The following KHDRBS2 variants were observed in gnomAD, a reference collection of about 807,000 sequenced individuals.
KHDRBS2 encodes KH domain-containing, RNA-binding, signal transduction-associated protein 2.
Under a neutral mutation model 44.3 loss-of-function variants are expected in KHDRBS2, and 26 were observed. The ratio of observed to expected loss-of-function variants is 0.59; its 90% confidence interval spans 0.43 to 0.81. KHDRBS2 has a LOEUF of 0.81. KHDRBS2 is among the 40% of genes least tolerant of loss of function. The pLI is 0.00. For synonymous variants in KHDRBS2, 194 were observed against 151.1 expected, an observed-to-expected ratio of 1.28 and a Z score of -2.08; for missense variants, 476 against 433.1, an observed-to-expected ratio of 1.10 and a Z score of -0.88.
chr6:61,917,528 G>A (rs1409908980), intron 4 of KHDRBS2, among the ~76,000 whole-genome samples: 1 of 151,840 alleles, frequency 6.6e-6, no homozygotes, highest in African/African-American at 2.4e-5. Flanking sequence ...GAAAATTTCA[G>A]GTAATGAAAC....
At chr6:61,966,219 T>C (rs1769908661) in intron 4 of KHDRBS2, among the ~76,000 whole-genome samples, 1 of 152,048 alleles carries the variant, frequency 6.6e-6, no homozygotes, top group Non-Finnish European at 1.5e-5. Flanking sequence ...CATCGTAAGA[T>C]AAAACATTCA....
At chr6:62,022,454 A>G (rs779181022) in intron 3 of KHDRBS2, among the ~76,000 whole-genome samples, 1 of 151,736 alleles carries the variant, frequency 6.6e-6, no homozygotes, top group Non-Finnish European at 1.5e-5. Context: ...TTTCTCAGTA[A>G]CCACAGGTTA....
intron 2 of KHDRBS2, among the ~76,000 whole-genome samples, chr6:62,085,284 G>T (rs1329936071): frequency 1.3e-5 from 2 of 152,074 alleles, no homozygotes; most frequent in South Asian, 2.1e-4. Flanking sequence ...GGAGAATGTG[G>T]ATTGAAAAGA....
the KHDRBS2 span, among the ~76,000 whole-genome samples, chr6:61,612,482 C>T: frequency 0.013 from 1,928 of 152,224 alleles, 36 homozygotes; most frequent in African/African-American, 0.043. Context: ...TCACAGTTTT[C>T]TTAACTTTAA....
intron 2 of KHDRBS2, among the ~76,000 whole-genome samples, chr6:62,130,125 A>C (rs1809946845): frequency 6.6e-6 from 1 of 152,240 alleles, no homozygotes; most frequent in African/African-American, 2.4e-5. Flanking sequence ...CTAATTTATA[A>C]AGAAATAAAA....
chr6:62,111,522 A>T (rs1562889018), intron 2 of KHDRBS2, among the ~76,000 whole-genome samples: 1 of 151,990 alleles, frequency 6.6e-6, no homozygotes, highest in African/African-American at 2.4e-5. Flanking sequence ...CTCATACCCA[A>T]TTTTTCTTTG....
chr6:61,569,795 T>C, the KHDRBS2 span, among the ~76,000 whole-genome samples: 160 of 152,238 alleles, frequency 1.1e-3, no homozygotes, highest in African/African-American at 3.7e-3. Flanking sequence ...CCTGGTAGCC[T>C]GGCTGGGTGG....
At chr6:61,600,718 G>A in the KHDRBS2 span, among the ~76,000 whole-genome samples, 466 of 152,214 alleles carry the variant, frequency 3.1e-3, 3 homozygotes, top group African/African-American at 0.01. Context: ...GAAGAGATCC[G>A]TCTACGACTT....
intron 4 of KHDRBS2, among the ~76,000 whole-genome samples, chr6:61,909,433 C>T (rs544581031): frequency 1.5e-3 from 228 of 152,120 alleles, no homozygotes; most frequent in African/African-American, 5.3e-3. Flanking sequence ...CCAAATAATT[C>T]GCTTTTTTGC....
At chr6:61,588,234 A>T in the KHDRBS2 span, among the ~76,000 whole-genome samples, 1 of 152,190 alleles carries the variant, frequency 6.6e-6, no homozygotes, top group Non-Finnish European at 1.5e-5. Context: ...CTCCATGCAA[A>T]TATGAGTGAT....
At chr6:61,643,140 C>A in the KHDRBS2 span, among the ~76,000 whole-genome samples, 2 of 151,526 alleles carry the variant, frequency 1.3e-5, no homozygotes, top group Non-Finnish European at 1.5e-5. Flanking sequence ...TTTTTATTTC[C>A]CTAGTTATAG....
At chr6:62,165,535 AAAACT>A (rs1370305785) in intron 2 of KHDRBS2, among the ~76,000 whole-genome samples, 16 of 151,962 alleles carry the variant, frequency 1.1e-4, no homozygotes, top group Middle Eastern at 3.4e-3. Flanking sequence ...AATATTTTTA[AAAACT>A]AAATCAATCT....
intron 1 of KHDRBS2, among the ~76,000 whole-genome samples, chr6:62,225,645 C>T (rs1196924612): frequency 6.6e-6 from 1 of 152,126 alleles, no homozygotes. Flanking sequence ...AGGTTTTAAG[C>T]CCTGCATGCA....
chr6:61,649,070 C>G, the KHDRBS2 span, among the ~76,000 whole-genome samples: 1 of 152,144 alleles, frequency 6.6e-6, no homozygotes, highest in South Asian at 2.1e-4. Flanking sequence ...CAGGTTCTCA[C>G]GTGGAGGAAG....
intron 2 of KHDRBS2, among the ~76,000 whole-genome samples, chr6:62,085,530 T>C (rs977936988): frequency 2.0e-5 from 3 of 152,112 alleles, no homozygotes; most frequent in African/African-American, 7.2e-5. Flanking sequence ...GTCTTTAATA[T>C]GCCACAAAAA....
intron 3 of KHDRBS2, among the ~76,000 whole-genome samples, chr6:61,990,478 T>C (rs1333190234): frequency 6.6e-6 from 1 of 152,144 alleles, no homozygotes; most frequent in Non-Finnish European, 1.5e-5. Context: ...GTATATCACA[T>C]TAAAATCTCT....
At chr6:61,609,076 T>A in the KHDRBS2 span, among the ~76,000 whole-genome samples, 1 of 152,156 alleles carries the variant, frequency 6.6e-6, no homozygotes, top group African/African-American at 2.4e-5. Context: ...GTGTTCCTAT[T>A]TCTCCACATC....
rs1375864076 is a variant in KHDRBS2, at chr6:61,738,841, C to T, written c.811-6077G>A. The stretch of plus-strand genomic sequence containing the variant: ...CAATTTTAGGTTGTCAAATCTAATA[C>T]TGGCTCTGCATATGAGCTTAAAATA... On this transcript the variant is annotated intron_variant, in intron 6 of 8. Coordinates refer to ENST00000281156, the MANE Select transcript of KHDRBS2 (RefSeq NM_152688.4). Among the ~76,000 whole-genome samples the T allele has an allele frequency of 6.6e-5, 10 of 151,832 alleles. 1 individual carries two copies.
At chr6:61,784,454 T>C (rs1783480801) in intron 6 of KHDRBS2, among the ~76,000 whole-genome samples, 1 of 151,900 alleles carries the variant, frequency 6.6e-6, no homozygotes, top group South Asian at 2.1e-4. Context: ...ACTCACAACA[T>C]GAGTAAGAGT....
Sources: gnomAD v4.1 joint callset for allele counts (sites outside exome capture counted in the v4.1 genomes callset) on GRCh38, gnomAD v4.1.1 for gene constraint, MANE v1.5 for transcripts, NCBI Gene and HGNC (gene_info 2026-07-23, HGNC 2026-07-21) for gene names.